The following DGKB variants were observed in gnomAD, a reference collection of about 807,000 sequenced individuals.
DGKB encodes 90 kDa diacylglycerol kinase.
Under a neutral mutation model 114.3 loss-of-function variants are expected in DGKB, and 67 were observed. The observed-to-expected ratio is 0.59, with a 90% CI of 0.48 to 0.72. The LOEUF is 0.72. DGKB is among the 30% of genes least tolerant of loss of function. The probability of loss-of-function intolerance (pLI) is 0.00; values close to 1 mark genes in which losing one functional copy is unlikely to be tolerated. For synonymous variants in DGKB, 398 were observed against 323.1 expected (o/e 1.23, Z -2.49); for missense variants, 907 against 975.2 (o/e 0.93, Z 0.93).
At chr7:14,820,841 C>T (rs1844825274) in intron 2 of DGKB, among the ~76,000 whole-genome samples, 2 of 152,134 alleles carry the variant, frequency 1.3e-5, no homozygotes, top group Admixed American at 6.6e-5. Context: ...TTCTGCAGCA[C>T]AATGTGGCTC....
chr7:14,906,305 G>A (rs1783700420), upstream of DGKB, among the ~76,000 whole-genome samples: 1 of 151,778 alleles, frequency 6.6e-6, no homozygotes, highest in Admixed American at 6.6e-5. Context: ...TTACAAGCAA[G>A]ACAACTTTCA....
chr7:14,349,875 A>G (rs1473118944), intron 21 of DGKB, among the ~76,000 whole-genome samples: 1 of 152,170 alleles, frequency 6.6e-6, no homozygotes, highest in Non-Finnish European at 1.5e-5. Flanking sequence ...GACTTTAAGA[A>G]TATGGTAACT....
At chr7:14,205,763 C>G (rs1317203319) in intron 23 of DGKB, among the ~76,000 whole-genome samples, 1 of 151,998 alleles carries the variant, frequency 6.6e-6, no homozygotes, top group Non-Finnish European at 1.5e-5. Flanking sequence ...TCATTCTCAA[C>G]TGCTTCTATG....
At chr7:14,312,207 T>C (rs1377468481) in intron 23 of DGKB, among the ~76,000 whole-genome samples, 1 of 152,198 alleles carries the variant, frequency 6.6e-6, no homozygotes, top group African/African-American at 2.4e-5. Flanking sequence ...TATAATGCAG[T>C]ATAGAGACCT....
intron 20 of DGKB, among the ~76,000 whole-genome samples, chr7:14,489,840 A>G (rs1010131063): frequency 1.3e-5 from 2 of 152,168 alleles, no homozygotes; most frequent in African/African-American, 4.8e-5. Context: ...ATCTACAAGT[A>G]GGAATGAGAA....
intron 13 of DGKB, among the ~76,000 whole-genome samples, chr7:14,672,185 T>A (rs1350864459): frequency 6.6e-6 from 1 of 152,150 alleles, no homozygotes; most frequent in Non-Finnish European, 1.5e-5. Context: ...GTTATAATTT[T>A]ATTATATCAA....
intron 1 of DGKB, among the ~76,000 whole-genome samples, chr7:14,850,387 A>C (rs181931791): frequency 8.5e-4 from 129 of 152,276 alleles, no homozygotes; most frequent in African/African-American, 3.1e-3. Flanking sequence ...AAAGTTAATG[A>C]GAAGAGTTTA....
chr7:14,385,949 T>C (rs1013601347), intron 21 of DGKB, among the ~76,000 whole-genome samples: 1 of 152,220 alleles, frequency 6.6e-6, no homozygotes, highest in Non-Finnish European at 1.5e-5. Context: ...GCTTGTTGTC[T>C]TCATTCAAAC....
At position 14,974,107 on chromosome 7, in the gene DGKB, A is replaced by G. The variant is rs1787654695; in HGVS notation, c.-188+589T>C. Among the ~76,000 whole-genome samples, 3 of 152,084 alleles carry G rather than the reference A, an allele frequency of 2.0e-5. No homozygotes were observed. In the South Asian group the frequency reaches 6.2e-4, roughly 32 times the overall value. Reference sequence around the variant, plus strand: ...TCCATGTCATATCATGTGGTAATACAGTTCTTTAAACACCAAATGTCAGAA... The same window carrying G: ...TCCATGTCATATCATGTGGTAATACGGTTCTTTAAACACCAAATGTCAGAA... On this transcript the variant is annotated intron_variant, in intron 1 of 4. Transcript: ENST00000437998.
At chr7:14,595,534 GCCC>G (rs34485631) in intron 17 of DGKB, among the ~76,000 whole-genome samples, 1 of 150,552 alleles carries the variant, frequency 6.6e-6, no homozygotes, top group Non-Finnish European at 1.5e-5. Context: ...AAAAATTGAG[GCCC>G]CCCTTTAAGA....
chr7:14,503,885 C>T (rs1413557480), intron 20 of DGKB, among the ~76,000 whole-genome samples: 1 of 152,118 alleles, frequency 6.6e-6, no homozygotes, highest in Non-Finnish European at 1.5e-5. Context: ...GAAGCATTAG[C>T]AATAGAAAGG....
intron 7 of DGKB, among the ~76,000 whole-genome samples, chr7:14,701,227 T>C (rs1175124385): frequency 1.3e-5 from 2 of 152,194 alleles, no homozygotes; most frequent in African/African-American, 2.4e-5. Context: ...CAGCCGCATA[T>C]AGGACAAAAG....
At chr7:14,379,126 C>A (rs542941914) in intron 21 of DGKB, among the ~76,000 whole-genome samples, 2 of 151,374 alleles carry the variant, frequency 1.3e-5, no homozygotes, top group Admixed American at 1.3e-4. Context: ...AAGACTTTTT[C>A]CCATTACACT....
intron 20 of DGKB, among the ~76,000 whole-genome samples, chr7:14,535,423 G>T (rs34441388): frequency 2.0e-5 from 3 of 146,842 alleles, no homozygotes; most frequent in Non-Finnish European, 4.5e-5. Context: ...TTAAAAAGAA[G>T]AAGTATCTCA....
chr7:14,254,704 A>AATCTT, intron 23 of DGKB, among the ~76,000 whole-genome samples: 1 of 152,302 alleles, frequency 6.6e-6, no homozygotes, highest in East Asian at 1.9e-4. Flanking sequence ...GTTACCTAAA[A>AATCTT]ATCTTTCTTT....
At chr7:14,211,142 C>T (rs1053710342) in intron 23 of DGKB, among the ~76,000 whole-genome samples, 1 of 152,076 alleles carries the variant, frequency 6.6e-6, no homozygotes, top group Non-Finnish European at 1.5e-5. Context: ...CTCAACATTT[C>T]ATGAGACTGT....
At chr7:14,592,223 A>T (rs1053490727) in intron 17 of DGKB, among the ~76,000 whole-genome samples, 1 of 151,956 alleles carries the variant, frequency 6.6e-6, no homozygotes, top group Admixed American at 6.6e-5. Flanking sequence ...TTAATTATAC[A>T]TATTTACATC....
chr7:14,587,020 T>C (rs1014196625), intron 17 of DGKB, among the ~76,000 whole-genome samples: 1 of 152,124 alleles, frequency 6.6e-6, no homozygotes. Flanking sequence ...AACTTTCAAG[T>C]CTTATTTAAA....
chr7:14,580,978 A>G, intron 18 of DGKB, 27 bp from the exon 19 acceptor site: 1 of 1,527,848 alleles, frequency 6.5e-7, no homozygotes, highest in Non-Finnish European at 8.9e-7. Context: ...AATACAAATA[A>G]AGAAAATTTT....
Sources: gnomAD v4.1 joint callset for allele counts (sites outside exome capture counted in the v4.1 genomes callset) on GRCh38, gnomAD v4.1.1 for gene constraint, MANE v1.5 for transcripts, NCBI Gene and HGNC (gene_info 2026-07-23, HGNC 2026-07-21) for gene names.